The following ARMC1 variants were observed in gnomAD, a reference collection of about 807,000 sequenced individuals.
The protein encoded by ARMC1 is armadillo repeat containing 1, also known as armadillo repeat-containing protein 1.
ARMC1 carries 16 observed loss-of-function variants against 31.4 expected under a neutral mutation model. The ratio of observed to expected loss-of-function variants is 0.51; its 90% confidence interval spans 0.34 to 0.77. The LOEUF (loss-of-function observed/expected upper bound fraction) is 0.77, where lower values mean the gene tolerates loss of function less well. Among genes scored for constraint, ARMC1 ranks in the 30% least tolerant of loss-of-function variants. ARMC1 has a pLI of 0.01. For synonymous variants in ARMC1, 114 were observed against 118.9 expected, an observed-to-expected ratio of 0.96 and a Z score of 0.27; for missense variants, 259 against 347.5, an observed-to-expected ratio of 0.75 and a Z score of 2.02.
At chr8:65,608,058 T>C (rs200909689) in intron 4 of ARMC1, among the ~76,000 whole-genome samples, 1 of 152,222 alleles carries the variant, frequency 6.6e-6, no homozygotes, top group Non-Finnish European at 1.5e-5. Flanking sequence ...AAAATATTTT[T>C]AAGAAATTTC....
chr8:65,604,291 A>G lies in ARMC1; in HGVS notation c.*103T>C, dbSNP rs1807953665. 2.6e-6 allele frequency: 3 copies of G among 1,132,748 alleles called. No individual in the cohort carries two copies. The highest frequency in any genetic ancestry group is 2.5e-6 in the Non-Finnish European group (2 of 791,862). 70.2% of individuals were successfully genotyped at this position (1,132,748 alleles called of 1,614,324 possible). A position where few individuals can be genotyped will look rare whatever the true frequency, so the allele number is the denominator to read the frequency against. On this transcript the variant is annotated 3_prime_UTR_variant, in exon 7 of 7. Coordinates refer to ENST00000276569, the MANE Select transcript of ARMC1 (RefSeq NM_018120.6). ...GCATATGCGATCGTGTAATCTAAAA[A>G]CTTTTCATGATAACTTATTGCAAAT...
At chr8:65,607,150 T>C (rs1053021205) in intron 4 of ARMC1, among the ~76,000 whole-genome samples, 1 of 152,232 alleles carries the variant, frequency 6.6e-6, no homozygotes, top group Non-Finnish European at 1.5e-5. Context: ...CAGGGAGACG[T>C]GGGACACGTC....
At chr8:65,620,538 G>T (rs1767988986) in intron 3 of ARMC1, among the ~76,000 whole-genome samples, 2 of 86,722 alleles carry the variant, frequency 2.3e-5, no homozygotes, top group South Asian at 7.9e-4. Flanking sequence ...CCTACCTCAG[G>T]TGATCACCTG....
At chr8:65,632,553 C>T (rs955046778) in intron 1 of ARMC1, among the ~76,000 whole-genome samples, 10 of 151,934 alleles carry the variant, frequency 6.6e-5, no homozygotes, top group African/African-American at 2.4e-4. Context: ...GCGGAACTTG[C>T]AGTGAGCCGA....
intron 2 of ARMC1, among the ~76,000 whole-genome samples, chr8:65,625,606 C>T (rs80151640): frequency 0.042 from 6,345 of 152,214 alleles, 194 homozygotes; most frequent in Non-Finnish European, 0.063. Flanking sequence ...TATAGATCAA[C>T]CCCCTCTTTC....
intron 1 of ARMC1, among the ~76,000 whole-genome samples, chr8:65,629,400 C>T (rs535420922): frequency 6.6e-6 from 1 of 151,954 alleles, no homozygotes; most frequent in African/African-American, 2.4e-5. Context: ...AAAAGGCTGG[C>T]AGATAGGCAA....
chr8:65,618,116 A>G (rs1377816555), intron 3 of ARMC1, among the ~76,000 whole-genome samples: 2 of 152,002 alleles, frequency 1.3e-5, no homozygotes, highest in Non-Finnish European at 2.9e-5. Context: ...GGGTTTCGCC[A>G]TGTTGGTCAG....
intron 1 of ARMC1, among the ~76,000 whole-genome samples, chr8:65,629,106 G>A (rs929615025): frequency 1.4e-4 from 21 of 149,602 alleles, no homozygotes; most frequent in African/African-American, 5.2e-4. Flanking sequence ...AGTGAGCCGA[G>A]ATTGCGCCAT....
intron 1 of ARMC1, among the ~76,000 whole-genome samples, chr8:65,632,396 G>A (rs947320558): frequency 6.6e-6 from 1 of 152,058 alleles, no homozygotes; most frequent in Non-Finnish European, 1.5e-5. Context: ...AGCGGATTAC[G>A]AGGTCAGGTG....
chr8:65,608,296 G>T (rs887693052), intron 4 of ARMC1, among the ~76,000 whole-genome samples: 1 of 152,206 alleles, frequency 6.6e-6, no homozygotes. Flanking sequence ...TGAGGCCGAG[G>T]CAGGTGGATC....
At chr8:65,614,501 C>A (rs1256099509) in intron 3 of ARMC1, among the ~76,000 whole-genome samples, 1 of 152,160 alleles carries the variant, frequency 6.6e-6, no homozygotes, top group Non-Finnish European at 1.5e-5. Context: ...AGTCTAATGG[C>A]TCTTATTAGT....
chr8:65,617,322 C>A (rs976424972), intron 3 of ARMC1, among the ~76,000 whole-genome samples: 1 of 152,142 alleles, frequency 6.6e-6, no homozygotes, highest in Non-Finnish European at 1.5e-5. Flanking sequence ...GACCTTACCC[C>A]CAACCTGGTG....
chr8:65,608,428 C>T lies in ARMC1; in HGVS notation c.466-2890G>A, dbSNP rs931841197. 3.9e-5 allele frequency among the ~76,000 whole-genome samples: 6 copies of T among 152,086 alleles called. No individual in the cohort carries two copies. The Middle Eastern group carries it at 0.014, about 345-fold the overall frequency. On this transcript the variant is annotated intron_variant, in intron 4 of 6. Transcript: ENST00000276569. ...CCTGTAATCCCAGCTACTTGGGAGG[C>T]TGAGGCACGAGAATTACTTGAACCC... is the stretch of plus-strand genomic sequence containing the variant.
At chr8:65,608,255 G>A (rs756599474) in intron 4 of ARMC1, among the ~76,000 whole-genome samples, 11 of 152,124 alleles carry the variant, frequency 7.2e-5, no homozygotes, top group Non-Finnish European at 1.5e-4. Context: ...GGCCAGGCGC[G>A]GTGGCTCACA....
rs563892881 is a variant in ARMC1 at position 65,629,660 on chromosome 8, G to A, written c.-35-2227C>T. Among the ~76,000 whole-genome samples the A allele has an allele frequency of 9.2e-5, 14 of 151,846 alleles. No homozygotes were observed. The East Asian group carries it at 2.1e-3, about 23-fold the overall frequency. On this transcript the variant is annotated intron_variant, in intron 1 of 6. Coordinates refer to ENST00000276569, the MANE Select transcript of ARMC1 (RefSeq NM_018120.6). Reference sequence around the variant, plus strand: ...CTAAAAGTACAAAAATTAGCTGGGCGTGCTGGCGGGCGCCTGTAATCCCAG... The same window carrying A: ...CTAAAAGTACAAAAATTAGCTGGGCATGCTGGCGGGCGCCTGTAATCCCAG...
chr8:65,609,913 T>C (rs1474079785), intron 4 of ARMC1, among the ~76,000 whole-genome samples: 1 of 142,462 alleles, frequency 7.0e-6, no homozygotes, highest in African/African-American at 2.6e-5. Context: ...TAATCTAATA[T>C]AACCTACCTG....
In ARMC1 at chr8:65,627,423, A is replaced by T. The variant is rs1317091301; in HGVS notation, c.-25T>A. 13 of 1,520,346 alleles carry T rather than the reference A, an allele frequency of 8.6e-6. No individual in the cohort carries two copies. Among genetic ancestry groups the T allele is most frequent in the Non-Finnish European group, 1.1e-5 (12 of 1,131,232 alleles). The allele number at this position is 1,520,346 out of a possible 1,614,324, so 94.2% of individuals were successfully genotyped here. A position where few individuals can be genotyped will look rare whatever the true frequency, so the allele number is the denominator to read the frequency against. On this transcript the variant is annotated 5_prime_UTR_variant, in exon 2 of 7. Transcript: ENST00000276569. ...TCTTCTATGCCATGCACATGAATAA[A>T]ATCTTAAATTCTGTAGAAAAGGTTT...
At chr8:65,618,407 A>G (rs1268459204) in intron 3 of ARMC1, among the ~76,000 whole-genome samples, 1 of 151,624 alleles carries the variant, frequency 6.6e-6, no homozygotes, top group Non-Finnish European at 1.5e-5. Flanking sequence ...CTGTAGTCCC[A>G]GCTACTCGGG....
At chr8:65,609,334 C>A (rs1210512291) in intron 4 of ARMC1, among the ~76,000 whole-genome samples, 2 of 151,934 alleles carry the variant, frequency 1.3e-5, no homozygotes, top group Admixed American at 1.3e-4. Context: ...TAAAAAGAAA[C>A]TATATTATTC....
Sources: gnomAD v4.1 joint callset for allele counts (sites outside exome capture counted in the v4.1 genomes callset) on GRCh38, gnomAD v4.1.1 for gene constraint, MANE v1.5 for transcripts, NCBI Gene and HGNC (gene_info 2026-07-23, HGNC 2026-07-21) for gene names.